Variants in KALRN observed in about 807,000 individuals in gnomAD.
KALRN encodes the protein kalirin.
Under a neutral mutation model 353.7 loss-of-function variants are expected in KALRN, and 70 were observed. The ratio of observed to expected loss-of-function variants is 0.20; its 90% CI spans 0.16 to 0.24. KALRN has a LOEUF of 0.24. KALRN is among the 10% of genes least tolerant of loss of function. The pLI, the probability that KALRN is intolerant of heterozygous loss-of-function variation, is 1.00. For missense variants in KALRN, 2,791 were observed against 3,756.7 expected (o/e 0.74, Z 6.72); for synonymous variants, 1,391 against 1,434.8 (o/e 0.97, Z 0.69).
At chr3:124,323,617 G>A (rs765085215) in intron 6 of KALRN, among the ~76,000 whole-genome samples, 34 of 152,332 alleles carry the variant, frequency 2.2e-4, no homozygotes, top group Admixed American at 1.3e-4. Flanking sequence ...GAGGGAGGAG[G>A]ATGTAATAGG....
intron 29 of KALRN, chr3:124,488,550 G>A (rs915425403): frequency 2.0e-6 from 1 of 492,160 alleles, no homozygotes. Flanking sequence ...ATGTGGACAT[G>A]TTGCTGCCCA....
chr3:124,243,479 C>G (rs1446895713), intron 3 of KALRN, among the ~76,000 whole-genome samples: 1 of 152,112 alleles, frequency 6.6e-6, no homozygotes, highest in Non-Finnish European at 1.5e-5. Context: ...GTGCCTGTAG[C>G]GATAAATCAA....
intron 1 of KALRN, among the ~76,000 whole-genome samples, chr3:124,070,302 G>A (rs528068036): frequency 5.0e-4 from 76 of 152,298 alleles, no homozygotes; most frequent in African/African-American, 7.9e-4. Context: ...TCAATGATCC[G>A]TGGTGAGAGG....
intron 13 of KALRN, among the ~76,000 whole-genome samples, chr3:124,410,916 T>C (rs184637643): frequency 1.8e-4 from 27 of 152,222 alleles, no homozygotes; most frequent in African/African-American, 6.3e-4. Context: ...ATCAACCTTA[T>C]TCATATTAGC....
intron 17 of KALRN, among the ~76,000 whole-genome samples, chr3:124,434,966 T>C (rs1290781751): frequency 6.6e-6 from 1 of 152,256 alleles, no homozygotes; most frequent in African/African-American, 2.4e-5. Flanking sequence ...AGACTGGGTC[T>C]AGATCTGTTC....
At chr3:124,703,716 C>T (rs566324842) in intron 57 of KALRN, among the ~76,000 whole-genome samples, 1 of 152,226 alleles carries the variant, frequency 6.6e-6, no homozygotes, top group Non-Finnish European at 1.5e-5. Flanking sequence ...TCATAGCTCA[C>T]TGCACCCTCA....
intron 1 of KALRN, among the ~76,000 whole-genome samples, chr3:124,081,072 A>G (rs2060517037): frequency 6.6e-6 from 1 of 152,138 alleles, no homozygotes; most frequent in Admixed American, 6.5e-5. Context: ...ATTTTTTACC[A>G]TCTCATATAC....
intron 59 of KALRN, 113 bp downstream of exon 59, chr3:124,717,498 G>A (rs702041): frequency 0.45 from 261,970 of 588,504 alleles, 60,556 homozygotes; most frequent in African/African-American, 0.64. Context: ...CATCCTGGCT[G>A]ACACGGTGAA....
chr3:124,486,670 A>T (rs2062605723), intron 28 of KALRN, among the ~76,000 whole-genome samples: 1 of 152,212 alleles, frequency 6.6e-6, no homozygotes, highest in South Asian at 2.1e-4. Context: ...TAATTCCAAG[A>T]CAGAGGTGAC....
intron 50 of KALRN, among the ~76,000 whole-genome samples, chr3:124,679,184 A>G (rs2242426): frequency 0.16 from 25,081 of 152,198 alleles, 2,480 homozygotes; most frequent in Middle Eastern, 0.29. Context: ...ACAGAAGACA[A>G]CAGTTTAAAT....
At chr3:124,626,213 A>G (rs1486804456) in intron 34 of KALRN, among the ~76,000 whole-genome samples, 1 of 152,242 alleles carries the variant, frequency 6.6e-6, no homozygotes. Context: ...ATAAAACACA[A>G]AATAATACTA....
intron 1 of KALRN, among the ~76,000 whole-genome samples, chr3:124,216,489 G>GT (rs2077346258): frequency 6.6e-6 from 1 of 152,198 alleles, no homozygotes; most frequent in Non-Finnish European, 1.5e-5. Flanking sequence ...ATATGCAATG[G>GT]TTTGTGTACA....
intron 34 of KALRN, among the ~76,000 whole-genome samples, chr3:124,628,149 CTCCCTCCCTCCCT>C (rs2080187468): frequency 1.6e-5 from 1 of 61,732 alleles, no homozygotes; most frequent in Admixed American, 1.3e-4. Context: ...TCCTCCCTCC[CTCCCTCCCTCCCT>C]TCCTTCCTTC....
At chr3:124,548,328 T>C (rs1052899223) in intron 33 of KALRN, among the ~76,000 whole-genome samples, 9 of 152,238 alleles carry the variant, frequency 5.9e-5, no homozygotes, top group Non-Finnish European at 1.3e-4. Context: ...TGCCCTCTCT[T>C]CCCAGTTTTT....
intron 1 of KALRN, among the ~76,000 whole-genome samples, chr3:124,128,487 G>T (rs1255402049): frequency 2.6e-5 from 4 of 152,190 alleles, no homozygotes; most frequent in Non-Finnish European, 5.9e-5. Context: ...TTAGCTCAAT[G>T]CCATTTCACT....
At chr3:124,224,658 C>T (rs9839517) in intron 1 of KALRN, among the ~76,000 whole-genome samples, 21,250 of 152,182 alleles carry the variant, frequency 0.14, 2,763 homozygotes, top group East Asian at 0.64. Context: ...GGGTGATCTG[C>T]CCCTGAGTAT....
intron 21 of KALRN, among the ~76,000 whole-genome samples, chr3:124,451,980 G>C (rs149660947): frequency 6.6e-6 from 1 of 152,274 alleles, no homozygotes; most frequent in East Asian, 1.9e-4. Context: ...AACCCCAATT[G>C]ACCCAGCTTA....
chr3:124,084,563 G>A (rs944549168), intron 1 of KALRN, among the ~76,000 whole-genome samples: 2 of 152,206 alleles, frequency 1.3e-5, no homozygotes, highest in African/African-American at 2.4e-5. Flanking sequence ...TAGCACATCT[G>A]TCTCTTTCAC....
chr3:124,640,374 C>T (rs2081912253), intron 37 of KALRN, among the ~76,000 whole-genome samples: 1 of 150,814 alleles, frequency 6.6e-6, no homozygotes, highest in East Asian at 2.0e-4. Flanking sequence ...GCAACCTCCA[C>T]CTCCCAGGTT....
Sources: gnomAD v4.1 joint callset for allele counts (sites outside exome capture counted in the v4.1 genomes callset) on GRCh38, gnomAD v4.1.1 for gene constraint, MANE v1.5 for transcripts, NCBI Gene and HGNC (gene_info 2026-07-23, HGNC 2026-07-21) for gene names.